The following MGAT4C variants were observed in gnomAD, a reference collection of about 807,000 sequenced individuals.
The protein encoded by MGAT4C is alpha-1,3-mannosyl-glycoprotein 4-beta-N-acetylglucosaminyltransferase C.
Under a neutral mutation model 40.1 loss-of-function variants are expected in MGAT4C, and 19 were observed. That is an observed-to-expected ratio of 0.47 (90% CI 0.33 to 0.70). MGAT4C has a LOEUF of 0.70. MGAT4C is among the 30% of genes least tolerant of loss of function. The pLI is 0.02. For synonymous variants in MGAT4C, 181 were observed against 187.1 expected, an observed-to-expected ratio of 0.97 and a Z score of 0.27; for missense variants, 491 against 563.2, an observed-to-expected ratio of 0.87 and a Z score of 1.30.
chr12:86,131,076 T>C (rs1311376932), intron 1 of MGAT4C, among the ~76,000 whole-genome samples: 7 of 152,068 alleles, frequency 4.6e-5, no homozygotes, highest in Admixed American at 2.6e-4. Context: ...TTCCAGACCT[T>C]AACGTTGAAA....
At chr12:86,076,020 T>C (rs10779233) in intron 1 of MGAT4C, among the ~76,000 whole-genome samples, 29,384 of 152,032 alleles carry the variant, frequency 0.19, 3,709 homozygotes, top group African/African-American at 0.36. Flanking sequence ...TTTTCTACCA[T>C]ATAGTCAGGC....
Position 86,603,644 on chromosome 12 carries a change from ATATATTATATAGTC to A in MGAT4C, c.-229+123551_-229+123564del, listed in dbSNP as rs1324841749. Among the ~76,000 whole-genome samples the A allele has an allele frequency of 5.5e-3, 695 of 127,224 alleles. 10 individuals carry two copies. Among genetic ancestry groups the A allele is most frequent in the African/African-American group, 0.02 (669 of 33,322 alleles). 83.5% of individuals were successfully genotyped at this position (127,224 alleles called of 152,430 possible). Reference sequence around the variant, plus strand: ...ATATAGTCTATAGACTATATATAGTATATATTATATAGTCTATATTATATATAGTATATATACTA... The same window carrying A: ...ATATAGTCTATAGACTATATATAGTATATATTATATATAGTATATATACTA... On this transcript the variant is annotated intron_variant, in intron 2 of 7. Transcript: ENST00000548651.
chr12:86,836,556 T>A (rs1275045254), intron 1 of MGAT4C, among the ~76,000 whole-genome samples: 1 of 152,080 alleles, frequency 6.6e-6, no homozygotes, highest in East Asian at 1.9e-4. Context: ...GTTTTAGTAC[T>A]AAACCTGGAA....
chr12:86,105,442 A>T (rs1288291095), intron 1 of MGAT4C, among the ~76,000 whole-genome samples: 3 of 152,194 alleles, frequency 2.0e-5, no homozygotes, highest in African/African-American at 7.2e-5. Context: ...ATTAGCATGT[A>T]CATGTTATCA....
intron 1 of MGAT4C, among the ~76,000 whole-genome samples, chr12:86,821,072 TA>T (rs1477431125): frequency 6.6e-5 from 10 of 150,984 alleles, no homozygotes; most frequent in African/African-American, 2.4e-4. Context: ...TAACTGAAGT[TA>T]AAAATTTGTG....
intron 4 of MGAT4C, among the ~76,000 whole-genome samples, chr12:86,294,096 G>T (rs1953599371): frequency 6.6e-6 from 1 of 150,636 alleles, no homozygotes; most frequent in African/African-American, 2.4e-5. Context: ...AATGGTGCCT[G>T]GCTCATAGCA....
intron 3 of MGAT4C, among the ~76,000 whole-genome samples, chr12:86,389,614 G>A (rs1956128826): frequency 6.6e-6 from 1 of 152,132 alleles, no homozygotes; most frequent in East Asian, 1.9e-4. Flanking sequence ...TTGAGGAATT[G>A]CCAAACTGTC....
Position 86,170,672 on chromosome 12 carries a change from G to T in MGAT4C, c.-57+85567C>A, listed in dbSNP as rs1227053762. Reference sequence around the variant, plus strand: ...CCTATGTTTAATAATGGTTATATAGGTTGGGCACAGTGGCTCACACCTGTA... The same window carrying T: ...CCTATGTTTAATAATGGTTATATAGTTTGGGCACAGTGGCTCACACCTGTA... On this transcript the variant is annotated intron_variant, in intron 1 of 4. Transcript: ENST00000611864. Among the ~76,000 whole-genome samples, 3 of 152,128 alleles carry T rather than the reference G, an allele frequency of 2.0e-5. No homozygotes were observed. In the East Asian group the frequency reaches 5.8e-4, roughly 29 times the overall value.
intron 1 of MGAT4C, among the ~76,000 whole-genome samples, chr12:86,797,227 G>T (rs1417197150): frequency 6.6e-6 from 1 of 151,636 alleles, no homozygotes; most frequent in Non-Finnish European, 1.5e-5. Flanking sequence ...CTCTCCAGAA[G>T]TCATAAGCAA....
chr12:86,085,030 G>C (rs1211404531), intron 1 of MGAT4C, among the ~76,000 whole-genome samples: 1 of 152,012 alleles, frequency 6.6e-6, no homozygotes, highest in East Asian at 1.9e-4. Flanking sequence ...ATAAGGATGT[G>C]TGTGTAATAC....
intron 1 of MGAT4C, among the ~76,000 whole-genome samples, chr12:86,131,079 C>T (rs1350572177): frequency 6.6e-6 from 1 of 152,050 alleles, no homozygotes; most frequent in Non-Finnish European, 1.5e-5. Flanking sequence ...CAGACCTTAA[C>T]GTTGAAAAGC....
At chr12:86,687,127 G>T (rs1191235073) in intron 2 of MGAT4C, among the ~76,000 whole-genome samples, 2 of 152,302 alleles carry the variant, frequency 1.3e-5, no homozygotes, top group African/African-American at 2.4e-5. Flanking sequence ...TAGTTTATTT[G>T]TGTAGAGGTG....
chr12:86,425,792 ATATCTTGGG>A (rs1331082917), intron 3 of MGAT4C, among the ~76,000 whole-genome samples: 1 of 152,198 alleles, frequency 6.6e-6, no homozygotes, highest in Non-Finnish European at 1.5e-5. Flanking sequence ...AACTTTATCA[ATATCTTGGG>A]TATTTCCAAG....
upstream of MGAT4C, among the ~76,000 whole-genome samples, chr12:86,259,444 A>T (rs1332237927): frequency 1.3e-5 from 2 of 152,076 alleles, no homozygotes; most frequent in Non-Finnish European, 2.9e-5. Context: ...TGTAAAAAAA[A>T]TTCTAAATGT....
intron 2 of MGAT4C, among the ~76,000 whole-genome samples, chr12:86,715,739 G>T (rs1232679922): frequency 6.6e-6 from 1 of 152,082 alleles, no homozygotes; most frequent in Non-Finnish European, 1.5e-5. Flanking sequence ...ACTATAATAT[G>T]CTTTAGCTAG....
intron 2 of MGAT4C, among the ~76,000 whole-genome samples, chr12:86,524,757 G>A (rs963706563): frequency 3.3e-5 from 5 of 152,134 alleles, no homozygotes; most frequent in African/African-American, 9.6e-5. Context: ...CAGAAGTTTC[G>A]TGTATTCCCT....
At chr12:86,375,130 C>A (rs951079055) in intron 3 of MGAT4C, among the ~76,000 whole-genome samples, 2 of 152,040 alleles carry the variant, frequency 1.3e-5, no homozygotes, top group Non-Finnish European at 2.9e-5. Flanking sequence ...TTTAAAAAAA[C>A]AGTGAGTGTT....
rs182572174 is a variant in MGAT4C, at chr12:86,599,000, G to C, written c.-229+128209C>G. Among the ~76,000 whole-genome samples, 79 of 152,234 alleles carry C rather than the reference G, an allele frequency of 5.2e-4. 1 individual carries two copies. Among genetic ancestry groups the C allele is most frequent in the Middle Eastern group, 3.4e-3 (1 of 294 alleles). ...ATTTATGGATGGAGAAGAAAGAAGA[G>C]ATGTTTCCTTTGAGGAATACACAAT... On this transcript the variant is annotated intron_variant, in intron 2 of 7. Transcript: ENST00000548651.
At chr12:86,708,832 C>G (rs1950508915) in intron 2 of MGAT4C, among the ~76,000 whole-genome samples, 1 of 152,142 alleles carries the variant, frequency 6.6e-6, no homozygotes, top group African/African-American at 2.4e-5. Flanking sequence ...GCTGTGTTTC[C>G]CCACACCTGT....
Sources: allele counts gnomAD v4.1 joint callset (sites outside exome capture counted in the v4.1 genomes callset), GRCh38; gene constraint gnomAD v4.1.1; transcripts MANE v1.5; gene names NCBI Gene and HGNC (gene_info 2026-07-23, HGNC 2026-07-21).